SGCG: variants seen among roughly 807,000 people sequenced by gnomAD.
The protein encoded by SGCG is sarcoglycan gamma.
Under a neutral mutation model 29.3 loss-of-function variants are expected in SGCG, and 26 were observed. The ratio of observed to expected loss-of-function variants is 0.89; its 90% CI spans 0.65 to 1.23. The LOEUF (loss-of-function observed/expected upper bound fraction) is 1.23, where lower values mean the gene tolerates loss of function less well. Among genes scored for constraint, SGCG ranks in the 50% most tolerant of loss-of-function variants. The pLI is 0.00. For synonymous variants in SGCG, 145 were observed against 129.7 expected, an observed-to-expected ratio of 1.12 and a Z score of -0.80; for missense variants, 353 against 356.0, an observed-to-expected ratio of 0.99 and a Z score of 0.07.
intron 2 of SGCG, among the ~76,000 whole-genome samples, chr13:23,208,933 T>C (rs751755950): frequency 2.6e-4 from 39 of 152,150 alleles, no homozygotes; most frequent in Non-Finnish European, 4.9e-4. Context: ...ACATCTTTAA[T>C]TTTTAATGAT....
At chr13:23,242,318 C>T (rs1327572012) in intron 3 of SGCG, among the ~76,000 whole-genome samples, 7 of 152,104 alleles carry the variant, frequency 4.6e-5, no homozygotes, top group African/African-American at 1.7e-4. Context: ...CTCTAATCTA[C>T]ATTTTCAAAA....
intron 7 of SGCG, among the ~76,000 whole-genome samples, 154 bp from the exon 8 acceptor site, chr13:23,324,214 T>A (rs1187109279): frequency 6.6e-6 from 1 of 152,202 alleles, no homozygotes; most frequent in African/African-American, 2.4e-5. Context: ...TTTAAAAGAA[T>A]CGGATAATTA....
At chr13:23,229,018 C>T (rs893502279) in intron 2 of SGCG, among the ~76,000 whole-genome samples, 10 of 152,128 alleles carry the variant, frequency 6.6e-5, no homozygotes, top group East Asian at 3.9e-4. Context: ...TACAGGCATG[C>T]GCCACCACAC....
chr13:23,179,977 A>G (rs1876676555), upstream of SGCG, among the ~76,000 whole-genome samples: 1 of 152,104 alleles, frequency 6.6e-6, no homozygotes, highest in South Asian at 2.1e-4. Context: ...TTCATCGCCC[A>G]GGTAGTAAGC....
At chr13:23,261,247 A>T (rs1575897) in intron 4 of SGCG, among the ~76,000 whole-genome samples, 26,657 of 150,732 alleles carry the variant, frequency 0.18, 2,608 homozygotes, top group Admixed American at 0.23. Flanking sequence ...ATTCTGAAAA[A>T]TTTTTTTTTT....
chr13:23,259,185 G>T (rs2137583101), intron 4 of SGCG, among the ~76,000 whole-genome samples: 2 of 152,082 alleles, frequency 1.3e-5, no homozygotes, highest in Middle Eastern at 6.8e-3. Context: ...GACTTTTTTT[G>T]GTTGGTAGGC....
chr13:23,166,815 G>A, the SGCG span, among the ~76,000 whole-genome samples: 1 of 152,112 alleles, frequency 6.6e-6, no homozygotes, highest in South Asian at 2.1e-4. Flanking sequence ...TATTTATGAG[G>A]TACATGAGAT....
At chr13:23,191,642 G>C (rs1324687875) in intron 1 of SGCG, among the ~76,000 whole-genome samples, 1 of 152,182 alleles carries the variant, frequency 6.6e-6, no homozygotes, top group Non-Finnish European at 1.5e-5. Context: ...AATAAGGTTT[G>C]TCTTTGACAT....
At chr13:23,236,416 G>A (rs1879313561) in intron 3 of SGCG, among the ~76,000 whole-genome samples, 1 of 152,120 alleles carries the variant, frequency 6.6e-6, no homozygotes, top group African/African-American at 2.4e-5. Flanking sequence ...GGTGGCTCAC[G>A]CCTGTAATCC....
chr13:23,196,120 T>A (rs935268400), intron 1 of SGCG, among the ~76,000 whole-genome samples: 4 of 152,070 alleles, frequency 2.6e-5, no homozygotes, highest in African/African-American at 9.7e-5. Context: ...GGTTGTTATA[T>A]GTTTTTCAAA....
intron 2 of SGCG, among the ~76,000 whole-genome samples, chr13:23,213,995 G>C (rs1466088624): frequency 2.6e-5 from 4 of 152,234 alleles, no homozygotes; most frequent in Admixed American, 2.0e-4. Context: ...AACTGACCCA[G>C]TTGTTCCATA....
intron 1 of SGCG, among the ~76,000 whole-genome samples, chr13:23,183,051 A>G (rs976300515): frequency 2.0e-5 from 3 of 152,220 alleles, no homozygotes; most frequent in Non-Finnish European, 4.4e-5. Flanking sequence ...TCTAACATCA[A>G]TGAAGAGGCT....
rs869153381 is a variant in SGCG at position 23,274,395 on chromosome 13, CTTTTTTTT to C, written c.386-4946_386-4939del. Among the ~76,000 whole-genome samples the C allele has an allele frequency of 7.8e-3, 665 of 85,200 alleles. 3 individuals carry two copies. Among genetic ancestry groups the C allele is most frequent in the Middle Eastern group, 0.025 (3 of 118 alleles). The allele number at this position is 85,200 out of a possible 152,430, so 55.9% of individuals were successfully genotyped here. On this transcript the variant is annotated intron_variant, in intron 4 of 7. Transcript: ENST00000218867. ...GGTGTGTTTTTCTTTCTTTCTTTCT[CTTTTTTTT>C]TTTTTTTTTTTTTTTTTGAGATGGG...
At chr13:23,285,383 CT>C (rs1328041511) in intron 5 of SGCG, among the ~76,000 whole-genome samples, 1 of 152,158 alleles carries the variant, frequency 6.6e-6, no homozygotes, top group East Asian at 1.9e-4. Flanking sequence ...CTAGGTCAAC[CT>C]TCTCAGCGGC....
At chr13:23,179,417 T>C (rs1285285880), upstream of SGCG, among the ~76,000 whole-genome samples, 4 of 152,212 alleles carry the variant, frequency 2.6e-5, no homozygotes, top group East Asian at 1.9e-4. Context: ...GAAAAGTTCA[T>C]TGCAACAAAA....
chr13:23,228,500 T>C (rs1424386415), intron 2 of SGCG, among the ~76,000 whole-genome samples: 2 of 152,198 alleles, frequency 1.3e-5, no homozygotes, highest in East Asian at 1.9e-4. Flanking sequence ...AGGTTTGTTA[T>C]ATAGGTAAAC....
rs909034319 is a variant in SGCG at position 23,284,498 on chromosome 13, A to G, written c.505+5020A>G. 7.2e-5 allele frequency among the ~76,000 whole-genome samples: 11 copies of G among 151,736 alleles called. No individual in the cohort carries two copies. In the East Asian group the frequency reaches 2.1e-3, roughly 29 times the overall value. On this transcript the variant is annotated intron_variant, in intron 5 of 7. Coordinates refer to ENST00000218867, the MANE Select transcript of SGCG (RefSeq NM_000231.3). ...CTCTAAACTGGTTATTCTAGTAGCA[A>G]CTCCTCTAACCTTTTTTCAAGGTTC...
intron 1 of SGCG, among the ~76,000 whole-genome samples, chr13:23,191,402 C>T (rs8181845): frequency 0.38 from 58,226 of 151,614 alleles, 11,253 homozygotes; most frequent in East Asian, 0.53. Context: ...GTCAAGGTAT[C>T]GGGTGCAGGG....
chr13:23,202,409 G>T (rs957588558), intron 1 of SGCG, among the ~76,000 whole-genome samples: 1 of 152,172 alleles, frequency 6.6e-6, no homozygotes, highest in Non-Finnish European at 1.5e-5. Context: ...GAAATGTAGA[G>T]ATGTAGACAG....
Sources: gnomAD v4.1 joint callset for allele counts (sites outside exome capture counted in the v4.1 genomes callset) on GRCh38, gnomAD v4.1.1 for gene constraint, MANE v1.5 for transcripts, NCBI Gene and HGNC (gene_info 2026-07-23, HGNC 2026-07-21) for gene names.